Variants in LRCH1 observed in about 807,000 individuals in gnomAD.
LRCH1 encodes leucine rich repeats and calponin homology domain containing 1.
LRCH1 carries 23 observed loss-of-function variants against 94.9 expected under a neutral mutation model. The observed-to-expected ratio is 0.24, with a 90% CI of 0.17 to 0.34. The LOEUF (loss-of-function observed/expected upper bound fraction) is 0.34, where lower values mean the gene tolerates loss of function less well. LRCH1 is among the 10% of genes least tolerant of loss of function. LRCH1 has a pLI of 1.00. For missense variants in LRCH1, 790 were observed against 945.9 expected (o/e 0.84, Z 2.16); for synonymous variants, 364 against 354.9 (o/e 1.03, Z -0.29).
At chr13:46,694,545 T>C (rs529427340) in intron 8 of LRCH1, among the ~76,000 whole-genome samples, 9 of 152,230 alleles carry the variant, frequency 5.9e-5, no homozygotes, top group Admixed American at 1.3e-4. Flanking sequence ...CAATATTTGT[T>C]GGATTTTAAA....
At chr13:46,740,093 G>A (rs960159485) in intron 19 of LRCH1, among the ~76,000 whole-genome samples, 1 of 152,090 alleles carries the variant, frequency 6.6e-6, no homozygotes, top group African/African-American at 2.4e-5. Context: ...TGCTTTGCTC[G>A]GATTTCCCTG....
chr13:46,565,649 A>G (rs2050174420), intron 1 of LRCH1, among the ~76,000 whole-genome samples: 1 of 151,682 alleles, frequency 6.6e-6, no homozygotes. Flanking sequence ...CGTCTCTACT[A>G]AAAATACAAA....
chr13:46,556,863 T>C (rs2050071929), intron 1 of LRCH1, among the ~76,000 whole-genome samples: 1 of 152,188 alleles, frequency 6.6e-6, no homozygotes, highest in African/African-American at 2.4e-5. Context: ...CTCTGAGTGC[T>C]GGCCACTGAT....
intron 1 of LRCH1, among the ~76,000 whole-genome samples, chr13:46,641,210 A>G (rs1191098766): frequency 6.6e-6 from 1 of 152,146 alleles, no homozygotes; most frequent in Non-Finnish European, 1.5e-5. Context: ...CAGGATGGAT[A>G]GAAAGATGTA....
At chr13:46,596,617 A>G (rs947859809) in intron 1 of LRCH1, among the ~76,000 whole-genome samples, 9 of 152,248 alleles carry the variant, frequency 5.9e-5, no homozygotes, top group Admixed American at 2.0e-4. Flanking sequence ...AGTGAATTCT[A>G]ACTTGAAGCT....
chr13:46,634,269 A>G (rs755271964), intron 1 of LRCH1, among the ~76,000 whole-genome samples: 20 of 152,332 alleles, frequency 1.3e-4, no homozygotes, highest in East Asian at 3.9e-4. Context: ...TTTGCTTTCA[A>G]TGTTTAATGG....
intron 1 of LRCH1, among the ~76,000 whole-genome samples, chr13:46,613,707 G>T (rs755505239): frequency 6.6e-6 from 1 of 152,188 alleles, no homozygotes; most frequent in Non-Finnish European, 1.5e-5. Context: ...GAGCCATTTC[G>T]AAATGGGTCA....
chr13:46,707,056 C>T (rs1002988838), intron 13 of LRCH1, among the ~76,000 whole-genome samples: 6 of 152,196 alleles, frequency 3.9e-5, no homozygotes, highest in Non-Finnish European at 7.3e-5. Context: ...ATATTTTCAT[C>T]TAATCTATCA....
chr13:46,561,349 C>A (rs1332300761), intron 1 of LRCH1, among the ~76,000 whole-genome samples: 1 of 152,176 alleles, frequency 6.6e-6, no homozygotes, highest in East Asian at 1.9e-4. Flanking sequence ...TGGAGGGGGA[C>A]CTAACACAGG....
intron 13 of LRCH1, among the ~76,000 whole-genome samples, chr13:46,707,578 T>G (rs548850063): frequency 6.3e-4 from 96 of 152,220 alleles, no homozygotes; most frequent in Non-Finnish European, 1.3e-3. Context: ...GTAAAATAGA[T>G]GGCCACCTGT....
chr13:46,641,006 G>T (rs1222558003), intron 1 of LRCH1, among the ~76,000 whole-genome samples: 1 of 152,178 alleles, frequency 6.6e-6, no homozygotes, highest in Non-Finnish European at 1.5e-5. Flanking sequence ...GAAGCGTTGG[G>T]TTGTTTGGTC....
At chr13:46,581,795 C>T (rs1051559057) in intron 1 of LRCH1, among the ~76,000 whole-genome samples, 9 of 152,202 alleles carry the variant, frequency 5.9e-5, no homozygotes, top group African/African-American at 1.9e-4. Context: ...ATCAATATTC[C>T]ACCTTCTCAA....
chr13:46,618,441 G>A (rs184767328), intron 1 of LRCH1, among the ~76,000 whole-genome samples: 17 of 152,302 alleles, frequency 1.1e-4, no homozygotes, highest in Admixed American at 6.5e-4. Context: ...GTATATAAAA[G>A]TATAGCTACT....
chr13:46,647,404 C>T (rs1296095806), intron 1 of LRCH1, among the ~76,000 whole-genome samples: 2 of 151,974 alleles, frequency 1.3e-5, no homozygotes, highest in Admixed American at 6.5e-5. Context: ...TGATTAAGAG[C>T]CATTCGTATA....
chr13:46,567,442 G>A (rs78679382), intron 1 of LRCH1, among the ~76,000 whole-genome samples: 1 of 151,420 alleles, frequency 6.6e-6, no homozygotes. Context: ...TCTTTGTGCA[G>A]TTCCCTTGGA....
intron 19 of LRCH1, among the ~76,000 whole-genome samples, chr13:46,740,603 T>C (rs181105347): frequency 1.3e-3 from 202 of 152,368 alleles, no homozygotes; most frequent in Non-Finnish European, 2.0e-3. Flanking sequence ...ATGCCTCACC[T>C]AATTTGTAAA....
intron 2 of LRCH1, among the ~76,000 whole-genome samples, chr13:46,652,481 T>C (rs2051320124): frequency 6.6e-6 from 1 of 152,134 alleles, no homozygotes; most frequent in African/African-American, 2.4e-5. Context: ...TGTAGGTTAC[T>C]GTTAGGATTG....
Position 46,553,240 on chromosome 13 carries a change from C to CCCCAAGAAA in LRCH1, c.-155_-154insCAAGAAACC. Reference sequence around the variant, plus strand: ...GCCACGGCCGCCTCCCCGCCCGCCCCCCATTCTACGCGCCTGCCCACACCC... The same window carrying CCCCAAGAAA: ...GCCACGGCCGCCTCCCCGCCCGCCCCCCCAAGAAACCATTCTACGCGCCTGCCCACACCC... On this transcript the variant is annotated 5_prime_UTR_variant, in exon 1 of 20. Coordinates refer to ENST00000389797, the MANE Select transcript of LRCH1 (RefSeq NM_001164211.2). 1 of 569,602 alleles carries CCCCAAGAAA rather than the reference C, an allele frequency of 1.8e-6. No homozygotes were observed. The allele number at this position is 569,602 out of a possible 1,614,324, so 35.3% of individuals were successfully genotyped here. A position where few individuals can be genotyped will look rare whatever the true frequency, so the allele number is the denominator to read the frequency against.
intron 10 of LRCH1, among the ~76,000 whole-genome samples, chr13:46,700,858 C>T (rs548964638): frequency 2.6e-5 from 4 of 152,286 alleles, no homozygotes; most frequent in Non-Finnish European, 5.9e-5. Flanking sequence ...TGACTGTGCA[C>T]AGGGGCAGTT....
Sources: gnomAD v4.1 joint callset for allele counts (sites outside exome capture counted in the v4.1 genomes callset) on GRCh38, gnomAD v4.1.1 for gene constraint, MANE v1.5 for transcripts, NCBI Gene and HGNC (gene_info 2026-07-23, HGNC 2026-07-21) for gene names.